HEPACAM2: variants seen among roughly 807,000 people sequenced by gnomAD.
HEPACAM2 encodes HEPACAM family member 2, also known as mitotic kinetics regulator.
Under a neutral mutation model 49.6 loss-of-function variants are expected in HEPACAM2, and 49 were observed. The observed-to-expected ratio is 0.99, with a 90% CI of 0.78 to 1.25. HEPACAM2 has a LOEUF of 1.25. HEPACAM2 is among the 50% of genes most tolerant of loss of function. HEPACAM2 has a pLI of 0.00. For missense variants in HEPACAM2, 525 were observed against 557.2 expected, an observed-to-expected ratio of 0.94 and a Z score of 0.58; for synonymous variants, 197 against 202.9, an observed-to-expected ratio of 0.97 and a Z score of 0.25.
At chr7:93,220,528 G>A (rs997018271) in intron 1 of HEPACAM2, among the ~76,000 whole-genome samples, 2 of 152,232 alleles carry the variant, frequency 1.3e-5, no homozygotes, top group Non-Finnish European at 2.9e-5. Context: ...AATAGTTTTT[G>A]TGGGGAAGAC....
At position 93,218,958 on chromosome 7, in the gene HEPACAM2, C is replaced by T. The variant is rs1794380568; in HGVS notation, c.430+143G>A. ...TGTGAGGTAGATAATGTCATTAGTG[C>T]CATGAGATATTGAGGCTTTGAGGAT... On this transcript the variant is annotated intron_variant, in intron 2 of 9. Coordinates refer to ENST00000394468, the MANE Select transcript of HEPACAM2 (RefSeq NM_001039372.4). 4.7e-6 allele frequency: 3 copies of T among 644,430 alleles called. No individual in the cohort carries two copies. In the East Asian group the frequency reaches 8.1e-5, roughly 17 times the overall value. 39.9% of individuals were successfully genotyped at this position (644,430 alleles called of 1,614,324 possible).
intron 2 of HEPACAM2, among the ~76,000 whole-genome samples, chr7:93,217,167 G>C (rs1011319093): frequency 1.3e-5 from 2 of 152,130 alleles, no homozygotes; most frequent in Admixed American, 1.3e-4. Context: ...AATAAATTGT[G>C]TACATTTAAT....
intron 9 of HEPACAM2, among the ~76,000 whole-genome samples, chr7:93,191,735 TGA>T (rs1793552393): frequency 1.3e-5 from 2 of 152,052 alleles, no homozygotes; most frequent in South Asian, 4.1e-4. Context: ...CCTCTATGGG[TGA>T]GAGGCCAGTC....
intron 2 of HEPACAM2, among the ~76,000 whole-genome samples, chr7:93,217,878 G>C (rs1217819084): frequency 2.8e-4 from 11 of 39,886 alleles, no homozygotes; most frequent in African/African-American, 1.5e-3. Context: ...ATGTGTGTCT[G>C]TGTGTGTGTG....
In HEPACAM2 at chr7:93,208,826, C is replaced by A. The variant is rs949696340; in HGVS notation, c.766G>T (p.Glu256Ter). 6.2e-6 allele frequency: 10 copies of A among 1,612,128 alleles called. No individual in the cohort carries two copies. Among genetic ancestry groups the A allele is most frequent in the Non-Finnish European group, 8.5e-6 (10 of 1,178,950 alleles). ...TCTCCAAGGTCAACAGTAAACACTTCCCCTACTTTTAGCCCTTTATCAGAA... is the reference window on the plus strand; with the variant it reads ...TCTCCAAGGTCAACAGTAAACACTTACCCTACTTTTAGCCCTTTATCAGAA... The part of the protein sequence containing the change: ...VNSDKGLKVG[E>*]VFTVDLGEAI... Residue 256 changes from glutamate to a stop codon, truncating the protein, a stop_gained, in exon 4 of 10, where the codon GAA becomes TAA. Coordinates refer to ENST00000394468, the MANE Select transcript of HEPACAM2 (RefSeq NM_001039372.4). LOFTEE classifies it high-confidence loss of function.
intron 3 of HEPACAM2, among the ~76,000 whole-genome samples, chr7:93,214,934 G>T (rs1477415220): frequency 6.6e-6 from 1 of 152,100 alleles, no homozygotes; most frequent in African/African-American, 2.4e-5. Context: ...GGTAGGGATG[G>T]GAAGACATAC....
upstream of HEPACAM2, among the ~76,000 whole-genome samples, chr7:93,227,355 T>C (rs1794559497): frequency 6.6e-6 from 1 of 152,158 alleles, no homozygotes. Context: ...TTATATAAAA[T>C]GTTAAGGATA....
intron 8 of HEPACAM2, among the ~76,000 whole-genome samples, chr7:93,194,506 G>A (rs954071232): frequency 3.3e-5 from 5 of 152,076 alleles, no homozygotes; most frequent in African/African-American, 7.2e-5. Context: ...AGATTGAATA[G>A]GGTATTGCAA....
chr7:93,206,881 C>T (rs560659303), intron 4 of HEPACAM2, among the ~76,000 whole-genome samples: 58 of 152,136 alleles, frequency 3.8e-4, no homozygotes, highest in Non-Finnish European at 6.5e-4. Flanking sequence ...TGTAGGTTTG[C>T]GATAGTCTTA....
At chr7:93,199,079 G>A (rs547406882) in intron 4 of HEPACAM2, among the ~76,000 whole-genome samples, 6 of 152,082 alleles carry the variant, frequency 3.9e-5, no homozygotes, top group East Asian at 1.9e-4. Flanking sequence ...TAAAGAGTTC[G>A]ACAAGGTTGT....
At chr7:93,205,901 G>T (rs777176144) in intron 4 of HEPACAM2, among the ~76,000 whole-genome samples, 3 of 152,018 alleles carry the variant, frequency 2.0e-5, no homozygotes, top group Non-Finnish European at 4.4e-5. Context: ...TGAAAAATAA[G>T]CACCTGCTCT....
At chr7:93,219,570 G>C in intron 1 of HEPACAM2, 119 bp from the exon 2 acceptor site, 1 of 1,531,976 alleles carries the variant, frequency 6.5e-7, no homozygotes, top group Non-Finnish European at 8.7e-7. Flanking sequence ...TGGCTTCTAG[G>C]TACTGACTAT....
At chr7:93,226,688 C>T (rs1794547681), upstream of HEPACAM2, among the ~76,000 whole-genome samples, 1 of 152,088 alleles carries the variant, frequency 6.6e-6, no homozygotes, top group African/African-American at 2.4e-5. Context: ...CTATATATTT[C>T]ATAAATTATA....
At position 93,197,255 on chromosome 7, in the gene HEPACAM2, G is replaced by A; in HGVS notation, c.1187C>T (p.Ala396Val). Residue 396 changes from alanine (A) to valine (V), a missense_variant, in exon 7 of 10, where the codon GCT becomes GTT. Coordinates refer to ENST00000394468, the MANE Select transcript of HEPACAM2 (RefSeq NM_001039372.4). ...TTGGCCATTACCTGAAAATGTTTGA[G>A]CTTTCCTGTATTCTGTTTCTGGCCT... ...EGRPETEYRK[A>V]QTFSGHEDAL... 2.5e-6 allele frequency: 4 copies of A among 1,610,242 alleles called. No homozygotes were observed. The South Asian group carries it at 4.4e-5, about 18-fold the overall frequency.
chr7:93,204,315 A>G (rs1793969276), intron 4 of HEPACAM2, among the ~76,000 whole-genome samples: 1 of 148,680 alleles, frequency 6.7e-6, no homozygotes, highest in Admixed American at 6.8e-5. Flanking sequence ...TTACATTTCC[A>G]TAAACATTCT....
At chr7:93,216,429 A>C (rs1017433074) in intron 2 of HEPACAM2, among the ~76,000 whole-genome samples, 1 of 152,208 alleles carries the variant, frequency 6.6e-6, no homozygotes, top group Non-Finnish European at 1.5e-5. Flanking sequence ...GTCATAGGAA[A>C]ATAGTCTTAT....
At chr7:93,218,947 T>C (rs1794380323) in intron 2 of HEPACAM2, among the ~76,000 whole-genome samples, 154 bp downstream of exon 2, 1 of 152,190 alleles carries the variant, frequency 6.6e-6, no homozygotes, top group Admixed American at 6.5e-5. Flanking sequence ...AGGTAGATAA[T>C]GTCATTAGTG....
At chr7:93,202,032 C>CAAAAAAAAAAAAAACAAAAAAAAAAAA (rs1793902016) in intron 4 of HEPACAM2, among the ~76,000 whole-genome samples, 1 of 102,008 alleles carries the variant, frequency 9.8e-6, no homozygotes, top group African/African-American at 3.9e-5. Flanking sequence ...AAAAAAAAAC[C>CAAAAAAAAAAAAAACAAAAAAAAAAAA]AAAAAAAAAA....
intron 1 of HEPACAM2, chr7:93,225,779 GCCA>G: frequency 4.1e-6 from 2 of 488,268 alleles, no homozygotes; most frequent in East Asian, 6.3e-5. Context: ...AATAGGACTA[GCCA>G]TTGGGCAAAG....
Sources: gnomAD v4.1 joint callset for allele counts (sites outside exome capture counted in the v4.1 genomes callset) on GRCh38, gnomAD v4.1.1 for gene constraint, MANE v1.5 for transcripts, NCBI Gene and HGNC (gene_info 2026-07-23, HGNC 2026-07-21) for gene names.